Variants in SNX31 observed in about 807,000 individuals in gnomAD.
SNX31 encodes the protein sorting nexin 31, also known as sorting nexin-31.
A neutral mutation model predicts 65.4 loss-of-function variants in SNX31; 58 were observed. That is an observed-to-expected ratio of 0.89 (90% confidence interval 0.72 to 1.10). The LOEUF is 1.10. SNX31 is among the 50% of genes least tolerant of loss of function. The pLI, the probability that SNX31 is intolerant of heterozygous loss-of-function variation, is 0.00. For synonymous variants in SNX31, 181 were observed against 190.1 expected, an observed-to-expected ratio of 0.95 and a Z score of 0.39; for missense variants, 523 against 529.7, an observed-to-expected ratio of 0.99 and a Z score of 0.12.
At position 100,630,543 on chromosome 8, in the gene SNX31, A is replaced by T. The variant is rs1587016345; in HGVS notation, c.257-152T>A. 1 of 648,344 alleles carries T rather than the reference A, an allele frequency of 1.5e-6. No homozygotes were observed. The highest frequency in any genetic ancestry group is 1.9e-5 in the African/African-American group (1 of 52,790). 40.2% of individuals were successfully genotyped at this position (648,344 alleles called of 1,614,324 possible). ...GTTGAAACCTCTCAAATACAGGAAA[A>T]CCCCCAAAGCTTGCCTCCTATAGGC... On this transcript the variant is annotated intron_variant, in intron 3 of 13. Transcript: ENST00000311812. The surrounding 1 kb of genome is among the most constrained non-coding windows in gnomAD (Gnocchi z 5.3).
At chr8:100,608,288 A>G (rs1004428563) in intron 8 of SNX31, among the ~76,000 whole-genome samples, 1 of 151,742 alleles carries the variant, frequency 6.6e-6, no homozygotes, top group Admixed American at 6.6e-5. Context: ...TCATCCCCCA[A>G]CAAAAACTTG....
intron 10 of SNX31, among the ~76,000 whole-genome samples, chr8:100,590,463 C>T (rs1814469486): frequency 6.6e-6 from 1 of 152,028 alleles, no homozygotes; most frequent in Admixed American, 6.5e-5. Context: ...TTAGAAATAT[C>T]GGTCTGGCAG....
At chr8:100,651,422 C>T (rs547496691), upstream of SNX31, among the ~76,000 whole-genome samples, 1 of 152,324 alleles carries the variant, frequency 6.6e-6, no homozygotes, top group East Asian at 1.9e-4. Flanking sequence ...CTGGAACTTT[C>T]CTGCTCCAGT....
intron 13 of SNX31, among the ~76,000 whole-genome samples, chr8:100,574,397 G>T (rs537248494): frequency 6.6e-6 from 1 of 152,322 alleles, no homozygotes; most frequent in South Asian, 2.1e-4. Flanking sequence ...ACTTTGGGAG[G>T]CCAAGGCGGG....
Position 100,631,981 on chromosome 8 carries a change from C to T in SNX31, c.257-1590G>A, listed in dbSNP as rs376570631. On this transcript the variant is annotated intron_variant, in intron 3 of 13. Coordinates refer to ENST00000311812, the MANE Select transcript of SNX31 (RefSeq NM_152628.4). Reference sequence around the variant, plus strand: ...CTTTGTATATTTTAGCTTATCTAATCTTCATGACAAACTCGGAGGTAAATA... The same window carrying T: ...CTTTGTATATTTTAGCTTATCTAATTTTCATGACAAACTCGGAGGTAAATA... Among the ~76,000 whole-genome samples the T allele has an allele frequency of 1.4e-4, 21 of 152,330 alleles. No individual in the cohort carries two copies. In the East Asian group the frequency reaches 3.9e-3, roughly 28 times the overall value.
chr8:100,627,502 A>G (rs1818122211), intron 4 of SNX31, among the ~76,000 whole-genome samples: 1 of 152,226 alleles, frequency 6.6e-6, no homozygotes, highest in Non-Finnish European at 1.5e-5. Context: ...CAGATATAGA[A>G]TGATCTGCAA....
chr8:100,592,391 G>GA (rs1343594021), intron 10 of SNX31, among the ~76,000 whole-genome samples: 1 of 151,830 alleles, frequency 6.6e-6, no homozygotes, highest in Non-Finnish European at 1.5e-5. Flanking sequence ...AGCAGAGAGA[G>GA]AAAAAATACT....
intron 4 of SNX31, chr8:100,620,044 A>G (rs1817571094): frequency 6.6e-6 from 1 of 152,204 alleles, no homozygotes; most frequent in South Asian, 2.1e-4. Context: ...TATCATGTTT[A>G]AAATAATTTC....
In SNX31 at chr8:100,612,270, A is replaced by G. The variant is rs753692971; in HGVS notation, c.524-183T>C. Among the ~76,000 whole-genome samples, 4 of 152,138 alleles carry G rather than the reference A, an allele frequency of 2.6e-5. No individual in the cohort carries two copies. Among genetic ancestry groups the G allele is most frequent in the Admixed American group, 1.3e-4 (2 of 15,272 alleles). ...TCATTCAAAAAATAAATATCATTTGATCCTCAAAAAAAAACAGCCCCTTGA... is the reference window on the plus strand; with the variant it reads ...TCATTCAAAAAATAAATATCATTTGGTCCTCAAAAAAAAACAGCCCCTTGA... On this transcript the variant is annotated intron_variant, in intron 6 of 13. Transcript: ENST00000311812. This position sits in a 1 kb window ranked among gnomAD's most constrained non-coding sequence, Gnocchi z 4.3.
chr8:100,611,381 T>C (rs1816694358), intron 7 of SNX31, among the ~76,000 whole-genome samples: 1 of 152,098 alleles, frequency 6.6e-6, no homozygotes, highest in Admixed American at 6.5e-5. Context: ...GGTTTTCAAG[T>C]CTTACTTTCT....
intron 8 of SNX31, among the ~76,000 whole-genome samples, chr8:100,607,157 C>G (rs1040525903): frequency 1.3e-5 from 2 of 152,142 alleles, no homozygotes; most frequent in Non-Finnish European, 2.9e-5. Context: ...GGGGGTGGAG[C>G]AGGGCAGGGC....
rs1816792056 is a variant in SNX31, at chr8:100,612,397, A to G, written c.524-310T>C. 6.6e-6 allele frequency among the ~76,000 whole-genome samples: 1 copy of G among 152,164 alleles called. No individual in the cohort carries two copies. The highest frequency in any genetic ancestry group is 1.5e-5 in the Non-Finnish European group (1 of 68,012). On this transcript the variant is annotated intron_variant, in intron 6 of 13. Coordinates refer to ENST00000311812, the MANE Select transcript of SNX31 (RefSeq NM_152628.4). This position sits in a 1 kb window ranked among gnomAD's most constrained non-coding sequence, Gnocchi z 4.3. Reference sequence around the variant, plus strand: ...GGGCCTAGCAGCCAACCCTCTACACAAGCCCCTTAACTTCCAACTCAAAAC... The same window carrying G: ...GGGCCTAGCAGCCAACCCTCTACACGAGCCCCTTAACTTCCAACTCAAAAC...
At chr8:100,611,120 T>A (rs1026420921) in intron 7 of SNX31, among the ~76,000 whole-genome samples, 6 of 152,222 alleles carry the variant, frequency 3.9e-5, no homozygotes, top group Non-Finnish European at 8.8e-5. Context: ...TATCTAGGAA[T>A]ATGGATGGCC....
rs192130361 is a variant in SNX31, at chr8:100,596,791, G to A, written c.826C>T (p.Pro276Ser). The stretch of plus-strand genomic sequence containing the variant: ...GATTCTGGGTAGTCACAGGTACAAG[G>A]ATCCAGCTGCAGGTATCCATAGTGC... ...VRHYGYLQLD[P>S]CTCDYPESGS... The change falls in exon 10 of 14, where the codon CCT becomes TCT. Residue 276 changes from proline (P) to serine (S), a missense_variant. Transcript: ENST00000311812. 537 of 1,613,964 alleles carry A rather than the reference G, an allele frequency of 3.3e-4. 1 individual carries two copies. The highest frequency in any genetic ancestry group is 1.7e-3 in the Admixed American group (105 of 60,020).
upstream of SNX31, among the ~76,000 whole-genome samples, chr8:100,651,985 CTT>C (rs35499660): frequency 2.0e-5 from 3 of 149,530 alleles, no homozygotes; most frequent in Non-Finnish European, 3.0e-5. Context: ...GTTTTTAATT[CTT>C]TTTTTTTTTG....
At chr8:100,638,299 G>A (rs1027452283) in intron 2 of SNX31, among the ~76,000 whole-genome samples, 4 of 152,234 alleles carry the variant, frequency 2.6e-5, no homozygotes, top group Admixed American at 6.5e-5. Flanking sequence ...CCACCTGTGA[G>A]TAAATTTAAA....
intron 12 of SNX31, among the ~76,000 whole-genome samples, chr8:100,583,267 C>G (rs1261302755): frequency 6.6e-6 from 1 of 151,812 alleles, no homozygotes; most frequent in African/African-American, 2.4e-5. Context: ...CCACCACACC[C>G]AGTTAATTTC....
intron 8 of SNX31, among the ~76,000 whole-genome samples, chr8:100,605,029 G>T (rs1308897675): frequency 2.0e-5 from 3 of 152,146 alleles, no homozygotes; most frequent in South Asian, 2.1e-4. Context: ...CTCCCGAGTA[G>T]CTGGGACTAC....
At chr8:100,662,206 A>G (rs1174825455) in intron 1 of SNX31, among the ~76,000 whole-genome samples, 1 of 152,180 alleles carries the variant, frequency 6.6e-6, no homozygotes, top group Non-Finnish European at 1.5e-5. Context: ...GAAAAACTCC[A>G]TGATTGAGAA....
Sources: gnomAD v4.1 joint callset for allele counts (sites outside exome capture counted in the v4.1 genomes callset) on GRCh38, gnomAD v4.1.1 for gene constraint, Gnocchi (gnomAD v3.1) non-coding constraint, MANE v1.5 for transcripts, NCBI Gene and HGNC (gene_info 2026-07-23, HGNC 2026-07-21) for gene names.